The following FHIT variants were observed in gnomAD, a reference collection of about 807,000 sequenced individuals.
The protein encoded by FHIT is fragile histidine triad diadenosine triphosphatase.
In FHIT, 19 loss-of-function variants were observed where a neutral mutation model predicts 17.9. That is an observed-to-expected ratio of 1.06 (90% CI 0.74 to 1.56). FHIT has a LOEUF of 1.56. Among genes scored for constraint, FHIT ranks in the 40% most tolerant of loss-of-function variants. FHIT has a pLI of 0.00. For missense variants in FHIT, 248 were observed against 189.2 expected, an observed-to-expected ratio of 1.31 and a Z score of -1.82; for synonymous variants, 81 against 69.7, an observed-to-expected ratio of 1.16 and a Z score of -0.81.
At chr3:60,848,722 T>C (rs1553747369) in intron 3 of FHIT, among the ~76,000 whole-genome samples, 1 of 152,216 alleles carries the variant, frequency 6.6e-6, no homozygotes, top group Admixed American at 6.5e-5. Context: ...TGAGGTAATC[T>C]TTGTAAAATA....
intron 7 of FHIT, among the ~76,000 whole-genome samples, chr3:59,949,719 A>C (rs1707017746): frequency 6.6e-6 from 1 of 152,226 alleles, no homozygotes; most frequent in Admixed American, 6.5e-5. Flanking sequence ...GCTAATTAAG[A>C]ACACATACAT....
intron 2 of FHIT, among the ~76,000 whole-genome samples, chr3:61,134,185 A>G (rs980441751): frequency 2.6e-5 from 4 of 151,786 alleles, no homozygotes; most frequent in Non-Finnish European, 4.4e-5. Flanking sequence ...GTGGGGCCCA[A>G]TATTACCAAG....
chr3:61,187,736 A>T (rs1560053048), intron 2 of FHIT, among the ~76,000 whole-genome samples: 1 of 152,250 alleles, frequency 6.6e-6, no homozygotes, highest in Non-Finnish European at 1.5e-5. Context: ...ACTGTCTCTC[A>T]GACCACAGTG....
intron 7 of FHIT, among the ~76,000 whole-genome samples, chr3:59,949,933 G>C (rs75347032): frequency 0.01 from 1,558 of 152,258 alleles, 29 homozygotes; most frequent in African/African-American, 0.035. Flanking sequence ...TAAACAATGA[G>C]CTACCTGAGC....
At chr3:60,497,297 G>C (rs559790585) in intron 5 of FHIT, among the ~76,000 whole-genome samples, 1 of 151,972 alleles carries the variant, frequency 6.6e-6, no homozygotes, top group African/African-American at 2.4e-5. Flanking sequence ...GGAAGATGAA[G>C]TGTATCTATA....
At chr3:60,755,760 T>C (rs183779044) in intron 4 of FHIT, among the ~76,000 whole-genome samples, 1 of 152,160 alleles carries the variant, frequency 6.6e-6, no homozygotes, top group Non-Finnish European at 1.5e-5. Context: ...TTAGAGACAT[T>C]GGTTAAATAA....
intron 5 of FHIT, among the ~76,000 whole-genome samples, chr3:60,378,358 T>C (rs1700663372): frequency 6.6e-6 from 1 of 152,168 alleles, no homozygotes; most frequent in Non-Finnish European, 1.5e-5. Context: ...AGCCAACAAT[T>C]GTAACGTTTG....
At position 60,561,946 on chromosome 3, in the gene FHIT, AACAG is replaced by A. The variant is rs780416234; in HGVS notation, c.-17-24971_-17-24968del. 4.8e-3 allele frequency among the ~76,000 whole-genome samples: 720 copies of A among 150,620 alleles called. 8 individuals carry two copies. The highest frequency in any genetic ancestry group is 0.016 in the African/African-American group (653 of 41,042). On this transcript the variant is annotated intron_variant, in intron 4 of 9. Transcript: ENST00000492590. Reference sequence around the variant, plus strand: ...AGAGAAAGAAAAAGAGAAAGAGAGAAACAGAGAGAGAGAGAGAGAAAGATAATTC... The same window carrying A: ...AGAGAAAGAAAAAGAGAAAGAGAGAAAGAGAGAGAGAGAGAAAGATAATTC...
chr3:59,876,307 G>A (rs545050751), intron 8 of FHIT, among the ~76,000 whole-genome samples: 2 of 152,334 alleles, frequency 1.3e-5, no homozygotes, highest in African/African-American at 4.8e-5. Context: ...AAATGGCAAT[G>A]TGAATTTCAT....
chr3:60,334,705 T>C (rs1710151754), intron 5 of FHIT, among the ~76,000 whole-genome samples: 2 of 152,168 alleles, frequency 1.3e-5, no homozygotes, highest in South Asian at 2.1e-4. Flanking sequence ...GAAAATTGCT[T>C]AAACCCAGGA....
At chr3:60,222,562 G>A (rs916643371) in intron 5 of FHIT, among the ~76,000 whole-genome samples, 11 of 152,010 alleles carry the variant, frequency 7.2e-5, no homozygotes, top group African/African-American at 1.5e-4. Flanking sequence ...AGGTTGAGGC[G>A]GGTGGATCAC....
chr3:61,097,835 T>G (rs748840009), intron 2 of FHIT, among the ~76,000 whole-genome samples: 1 of 152,136 alleles, frequency 6.6e-6, no homozygotes, highest in African/African-American at 2.4e-5. Context: ...GTTCCTTATA[T>G]ATGCTGGATA....
intron 2 of FHIT, among the ~76,000 whole-genome samples, chr3:61,179,566 G>GT (rs2038269072): frequency 6.6e-6 from 1 of 151,764 alleles, no homozygotes; most frequent in Non-Finnish European, 1.5e-5. Context: ...AAATTAACCA[G>GT]GTGTGGTGGT....
chr3:61,056,545 G>A (rs763699235), intron 2 of FHIT, among the ~76,000 whole-genome samples: 5 of 152,216 alleles, frequency 3.3e-5, no homozygotes, highest in Non-Finnish European at 7.3e-5. Flanking sequence ...CCCCAGACAA[G>A]GTGGTCAGGG....
At chr3:60,794,711 T>C (rs1229574235) in intron 4 of FHIT, among the ~76,000 whole-genome samples, 1 of 152,242 alleles carries the variant, frequency 6.6e-6, no homozygotes, top group Admixed American at 6.5e-5. Flanking sequence ...AATTGTTTAT[T>C]AACTTTAAAT....
At chr3:61,140,868 C>G (rs760550737) in intron 2 of FHIT, among the ~76,000 whole-genome samples, 4 of 152,154 alleles carry the variant, frequency 2.6e-5, no homozygotes, top group African/African-American at 9.7e-5. Context: ...TTAGTATGCT[C>G]TAATGATAAG....
intron 4 of FHIT, among the ~76,000 whole-genome samples, chr3:60,612,570 A>C (rs1019182011): frequency 1.8e-4 from 27 of 152,236 alleles, no homozygotes; most frequent in African/African-American, 6.5e-4. Flanking sequence ...TATTGCTTAA[A>C]AACATTTGTG....
intron 5 of FHIT, among the ~76,000 whole-genome samples, chr3:60,260,809 T>A (rs1311493456): frequency 6.6e-6 from 1 of 151,922 alleles, no homozygotes; most frequent in East Asian, 1.9e-4. Flanking sequence ...CCAAAACCCA[T>A]CGAAACCAAG....
chr3:60,087,436 A>C (rs1703543291), intron 5 of FHIT, among the ~76,000 whole-genome samples: 1 of 152,074 alleles, frequency 6.6e-6, no homozygotes, highest in Non-Finnish European at 1.5e-5. Flanking sequence ...TTCCTTTCCC[A>C]CCAAATGGCC....
Sources: allele counts gnomAD v4.1 joint callset (sites outside exome capture counted in the v4.1 genomes callset), GRCh38; gene constraint gnomAD v4.1.1; transcripts MANE v1.5; gene names NCBI Gene and HGNC (gene_info 2026-07-23, HGNC 2026-07-21).